AFDN: variants seen among roughly 807,000 people sequenced by gnomAD.
The protein encoded by AFDN is afadin, adherens junction formation factor, also known as afadin.
Under a neutral mutation model 216.6 loss-of-function variants are expected in AFDN, and 68 were observed. The observed-to-expected ratio is 0.31, with a 90% CI of 0.26 to 0.38. The LOEUF (loss-of-function observed/expected upper bound fraction) is 0.38, where lower values mean the gene tolerates loss of function less well. AFDN is among the 10% of genes least tolerant of loss of function. AFDN has a pLI of 1.00. For synonymous variants in AFDN, 868 were observed against 853.7 expected (o/e 1.02, Z -0.29); for missense variants, 2,136 against 2,342.0 (o/e 0.91, Z 1.82).
intron 31 of AFDN, chr6:167,964,731 T>C: frequency 9.4e-7 from 1 of 1,060,554 alleles, no homozygotes; most frequent in Non-Finnish European, 1.1e-6. Context: ...TTTCACTGAA[T>C]GCCAGCAAGC....
At chr6:167,882,993 G>C (rs117899656) in intron 6 of AFDN, among the ~76,000 whole-genome samples, 2,999 of 152,152 alleles carry the variant, frequency 0.02, 54 homozygotes, top group Non-Finnish European at 0.033. Context: ...TGTCAGCCAG[G>C]TGTTACGTGG....
intron 7 of AFDN, among the ~76,000 whole-genome samples, chr6:167,889,989 G>A (rs1229327310): frequency 6.6e-6 from 1 of 152,212 alleles, no homozygotes; most frequent in African/African-American, 2.4e-5. Flanking sequence ...TTCACACTTT[G>A]CACTACTGAA....
Position 167,946,893 on chromosome 6 carries a change from A to G in AFDN, c.3545A>G (p.Asn1182Ser), listed in dbSNP as rs1795328033. 1.3e-5 allele frequency: 21 copies of G among 1,610,546 alleles called. No individual in the cohort carries two copies. The highest frequency in any genetic ancestry group is 1.5e-5 in the Non-Finnish European group (18 of 1,179,188). The part of the protein sequence containing the change: ...KNRADHRSSP[N>S]VANQPPSPGG... ...AGAGCTGATCACCGTTCCAGCCCCAACGTAGCAAGTAAGAGTGACACTTTT... is the reference window on the plus strand; with the variant it reads ...AGAGCTGATCACCGTTCCAGCCCCAGCGTAGCAAGTAAGAGTGACACTTTT... The change falls in exon 27 of 34, where the codon AAC (asparagine) becomes AGC (serine). Residue 1182 changes from asparagine to serine, a missense_variant. Physicochemically the swap from Asn to Ser is conservative, Grantham distance 46 (BLOSUM62 1). Transcript: ENST00000683244.
At chr6:167,915,851 T>C (rs1218209972) in intron 19 of AFDN, among the ~76,000 whole-genome samples, 1 of 152,230 alleles carries the variant, frequency 6.6e-6, no homozygotes, top group African/African-American at 2.4e-5. Context: ...AGTCTGTGTG[T>C]ATAAGGTGTA....
intron 10 of AFDN, among the ~76,000 whole-genome samples, 197 bp from the exon 11 acceptor site, chr6:167,898,008 G>A (rs1583322218): frequency 6.6e-6 from 1 of 152,064 alleles, no homozygotes; most frequent in Non-Finnish European, 1.5e-5. Context: ...AAAATAAAAG[G>A]TCTGATTGGT....
At chr6:167,933,936 G>A (rs953690293) in intron 23 of AFDN, among the ~76,000 whole-genome samples, 2 of 152,180 alleles carry the variant, frequency 1.3e-5, no homozygotes, top group African/African-American at 4.8e-5. Context: ...TCTCTCAGTG[G>A]AATCTTAAGT....
At chr6:167,919,591 A>C (rs1301543204) in intron 21 of AFDN, among the ~76,000 whole-genome samples, 1 of 152,274 alleles carries the variant, frequency 6.6e-6, no homozygotes, top group African/African-American at 2.4e-5. Flanking sequence ...GGCAAGACCC[A>C]AACTCCAGCA....
chr6:167,938,988 A>G (rs1406411568), intron 23 of AFDN, among the ~76,000 whole-genome samples: 1 of 152,150 alleles, frequency 6.6e-6, no homozygotes, highest in Non-Finnish European at 1.5e-5. Context: ...ATTCTATTTT[A>G]TGATTTTAAA....
chr6:167,865,057 C>T (rs1371885179), intron 2 of AFDN, among the ~76,000 whole-genome samples: 3 of 151,888 alleles, frequency 2.0e-5, no homozygotes, highest in Non-Finnish European at 2.9e-5. Flanking sequence ...GTGTAGTATG[C>T]TACCTGCTTT....
intron 1 of AFDN, among the ~76,000 whole-genome samples, chr6:167,845,374 A>T (rs1781546195): frequency 6.6e-6 from 1 of 151,796 alleles, no homozygotes; most frequent in South Asian, 2.1e-4. Flanking sequence ...TTAAATGAAT[A>T]TTTCTTTTCT....
chr6:167,927,718 C>T lies in AFDN; in HGVS notation c.3099+2627C>T, dbSNP rs531926451. Among the ~76,000 whole-genome samples, 26 of 152,204 alleles carry T rather than the reference C, an allele frequency of 1.7e-4. No homozygotes were observed. In the South Asian group the frequency reaches 2.3e-3, roughly 13 times the overall value. On this transcript the variant is annotated intron_variant, in intron 23 of 33. Transcript: ENST00000683244. ...TGTGCAGGCAGAGGGTAGTCCAGGG[C>T]CCTTCAGTCCACCTCACCATCCAGA...
chr6:167,827,220 A>G lies in AFDN; in HGVS notation c.88A>G (p.Ile30Val). The change falls in exon 1 of 34, where the codon ATC becomes GTC. Residue 30 changes from isoleucine to valine, a missense_variant. Coordinates refer to ENST00000683244, the MANE Select transcript of AFDN (RefSeq NM_001386888.1). ...WNANRLDLFE[I>V]SQPTEDLEFH... is the part of the protein sequence containing the mutation. ...CGCCAACCGGCTGGACCTGTTCGAG[A>G]TCAGCCAGCCGACCGAGGTGAGCAC... is the stretch of plus-strand genomic sequence containing the variant. 1 of 1,233,298 alleles carries G rather than the reference A, an allele frequency of 8.1e-7. No homozygotes were observed. Among genetic ancestry groups the G allele is most frequent in the African/African-American group, 1.6e-5 (1 of 61,966 alleles). 76.4% of individuals were successfully genotyped at this position (1,233,298 alleles called of 1,614,324 possible).
At chr6:167,943,306 G>T in intron 24 of AFDN, 96 bp from the exon 25 acceptor site, 1 of 1,434,938 alleles carries the variant, frequency 7.0e-7, no homozygotes, top group Non-Finnish European at 9.8e-7. Flanking sequence ...CTTGTTGGAA[G>T]AACAAATAGA....
intron 9 of AFDN, 70 bp downstream of exon 9, chr6:167,893,976 A>G: frequency 8.8e-7 from 1 of 1,130,596 alleles, no homozygotes; most frequent in Non-Finnish European, 1.3e-6. Flanking sequence ...AATAGTGTTG[A>G]ATGACCAAAT....
intron 6 of AFDN, 76 bp downstream of exon 6, chr6:167,880,593 C>T: frequency 1.4e-6 from 2 of 1,402,388 alleles, no homozygotes; most frequent in Non-Finnish European, 2.0e-6. Flanking sequence ...TCAAATTAAA[C>T]CTAGATTTTC....
intron 1 of AFDN, among the ~76,000 whole-genome samples, chr6:167,841,989 G>A (rs934796295): frequency 6.7e-6 from 1 of 150,368 alleles, no homozygotes; most frequent in East Asian, 2.0e-4. Context: ...CTCAGGTTTT[G>A]TTTTTTAATT....
At chr6:167,899,283 G>C (rs913136429) in intron 11 of AFDN, among the ~76,000 whole-genome samples, 1 of 152,112 alleles carries the variant, frequency 6.6e-6, no homozygotes, top group African/African-American at 2.4e-5. Flanking sequence ...GTTCACAGCT[G>C]TTTAAGATCC....
rs115735451 is a variant in AFDN, at chr6:167,947,879, A to G, written c.3580A>G (p.Ser1194Gly). The G allele has an allele frequency of 1.5e-3, 2,439 of 1,613,884 alleles. 28 individuals are homozygous for G. The African/African-American group carries it at 0.026, about 17-fold the overall frequency. Residue 1194 changes from serine to glycine, a missense_variant, in exon 28 of 34, where the codon AGT becomes GGT. Around this residue, in one of 8 missense-constraint regions of AFDN, gnomAD observed 981 missense variants for 966.0 expected, o/e 1.02. Coordinates refer to ENST00000683244, the MANE Select transcript of AFDN (RefSeq NM_001386888.1). ...ANQPPSPGGK[S>G]AYASGTTAKI... is the part of the protein sequence containing the mutation. Reference sequence around the variant, plus strand: ...TCAGCCTCCTAGTCCTGGAGGGAAAAGTGCATATGCCTCTGGAACAACAGC... The same window carrying G: ...TCAGCCTCCTAGTCCTGGAGGGAAAGGTGCATATGCCTCTGGAACAACAGC...
intron 23 of AFDN, among the ~76,000 whole-genome samples, chr6:167,938,007 A>G (rs1794218366): frequency 6.6e-6 from 1 of 152,182 alleles, no homozygotes; most frequent in Non-Finnish European, 1.5e-5. Context: ...GAAGCTTCTA[A>G]TGGAGTTGGA....
Sources: allele counts gnomAD v4.1 joint callset (sites outside exome capture counted in the v4.1 genomes callset), GRCh38; gene constraint gnomAD v4.1.1; regional missense constraint gnomAD v4.1.1; transcripts MANE v1.5; gene names NCBI Gene and HGNC (gene_info 2026-07-23, HGNC 2026-07-21).